The following GRIK4 variants were observed in gnomAD, a reference collection of about 807,000 sequenced individuals.
The protein encoded by GRIK4 is glutamate ionotropic receptor kainate type subunit 4.
In GRIK4, 40 loss-of-function variants were observed where a neutral mutation model predicts 104.9. That is an observed-to-expected ratio of 0.38 (90% CI 0.30 to 0.50). The LOEUF is 0.50. GRIK4 is among the 20% of genes least tolerant of loss of function. The pLI is 0.93. For missense variants in GRIK4, 1,047 were observed against 1,308.1 expected, an observed-to-expected ratio of 0.80 and a Z score of 3.08; for synonymous variants, 485 against 524.9, an observed-to-expected ratio of 0.92 and a Z score of 1.04.
At position 120,763,544 on chromosome 11, in the gene GRIK4, A is replaced by G. The variant is rs545513932; in HGVS notation, c.83-39149A>G. 8.5e-5 allele frequency among the ~76,000 whole-genome samples: 13 copies of G among 152,102 alleles called. No homozygotes were observed. The South Asian group carries it at 2.5e-3, about 29-fold the overall frequency. ...TTTTAATTGTGATGTTAGGGTGTCA[A>G]TTTTTAGATCTTTCCTGCTTTCTCC... On this transcript the variant is annotated intron_variant, in intron 3 of 20. Transcript: ENST00000527524.
At chr11:120,893,231 A>G (rs2134459674) in intron 11 of GRIK4, among the ~76,000 whole-genome samples, 1 of 152,364 alleles carries the variant, frequency 6.6e-6, no homozygotes, top group Middle Eastern at 3.4e-3. Context: ...TTAATGCCTC[A>G]GGAGCAAGAT....
At chr11:120,841,321 T>C (rs969473741) in intron 8 of GRIK4, among the ~76,000 whole-genome samples, 2 of 152,212 alleles carry the variant, frequency 1.3e-5, no homozygotes, top group African/African-American at 4.8e-5. Flanking sequence ...TCTCTCTGTA[T>C]GGATATGACT....
chr11:120,655,850 G>A (rs1248401335), intron 2 of GRIK4, among the ~76,000 whole-genome samples: 1 of 152,162 alleles, frequency 6.6e-6, no homozygotes, highest in South Asian at 2.1e-4. Context: ...AGCAGGTGGC[G>A]GGCTTGGTGG....
chr11:120,899,022 A>G (rs943663327), intron 12 of GRIK4, among the ~76,000 whole-genome samples: 5 of 152,154 alleles, frequency 3.3e-5, no homozygotes, highest in Non-Finnish European at 7.4e-5. Context: ...TGTACAAAAC[A>G]GGACCCTCCC....
chr11:120,512,474 C>A (rs60319972), intron 1 of GRIK4, among the ~76,000 whole-genome samples: 37 of 152,020 alleles, frequency 2.4e-4, no homozygotes, highest in African/African-American at 8.9e-4. Context: ...GGGCCACCAC[C>A]ACACCCCCCC....
intron 1 of GRIK4, among the ~76,000 whole-genome samples, chr11:120,601,884 G>A (rs1205626338): frequency 6.6e-6 from 1 of 151,984 alleles, no homozygotes; most frequent in African/African-American, 2.4e-5. Flanking sequence ...AAAGAAGCTG[G>A]GTGAGCTTCT....
chr11:120,571,613 G>A (rs1186775622), intron 1 of GRIK4, among the ~76,000 whole-genome samples: 1 of 151,948 alleles, frequency 6.6e-6, no homozygotes, highest in Non-Finnish European at 1.5e-5. Context: ...TCCTCCTGTG[G>A]GGGCCCAGGA....
chr11:120,668,783 C>T (rs549295973), intron 3 of GRIK4, among the ~76,000 whole-genome samples: 1 of 152,202 alleles, frequency 6.6e-6, no homozygotes, highest in Non-Finnish European at 1.5e-5. Flanking sequence ...ATCTGAGCTC[C>T]ACCCTTTACT....
At chr11:120,800,638 G>A (rs1195604890) in intron 3 of GRIK4, among the ~76,000 whole-genome samples, 1 of 152,192 alleles carries the variant, frequency 6.6e-6, no homozygotes, top group African/African-American at 2.4e-5. Flanking sequence ...CCCATGCATG[G>A]CCAACCTGAG....
At chr11:120,890,199 TCAA>T (rs754857807) in intron 11 of GRIK4, among the ~76,000 whole-genome samples, 1 of 152,154 alleles carries the variant, frequency 6.6e-6, no homozygotes, top group Non-Finnish European at 1.5e-5. Flanking sequence ...CAGTTGCTTA[TCAA>T]CAACAACAAC....
At chr11:120,769,052 A>G (rs986609995) in intron 3 of GRIK4, among the ~76,000 whole-genome samples, 4 of 152,218 alleles carry the variant, frequency 2.6e-5, no homozygotes, top group East Asian at 3.8e-4. Flanking sequence ...ATGGTCTTGT[A>G]AAATGTATTT....
At chr11:120,830,695 C>T (rs1407817843) in intron 6 of GRIK4, among the ~76,000 whole-genome samples, 1 of 152,144 alleles carries the variant, frequency 6.6e-6, no homozygotes, top group Non-Finnish European at 1.5e-5. Flanking sequence ...ATGGGATTGT[C>T]GTGAGGACTT....
chr11:120,981,615 T>G (rs526397), intron 19 of GRIK4, among the ~76,000 whole-genome samples: 36,545 of 152,172 alleles, frequency 0.24, 4,659 homozygotes, highest in African/African-American at 0.32. Context: ...ATAAATATTT[T>G]AGTAACATGT....
intron 1 of GRIK4, among the ~76,000 whole-genome samples, chr11:120,566,327 A>G (rs1282389928): frequency 6.6e-6 from 1 of 152,226 alleles, no homozygotes; most frequent in African/African-American, 2.4e-5. Context: ...GTCCAGGGTC[A>G]TCCAGCCAGG....
At chr11:120,831,218 G>A (rs1953419519) in intron 6 of GRIK4, among the ~76,000 whole-genome samples, 1 of 152,178 alleles carries the variant, frequency 6.6e-6, no homozygotes, top group Non-Finnish European at 1.5e-5. Flanking sequence ...TACTAGATCT[G>A]TTTTCTGGGC....
At chr11:120,887,225 C>G (rs147899216) in intron 11 of GRIK4, among the ~76,000 whole-genome samples, 33 of 152,298 alleles carry the variant, frequency 2.2e-4, no homozygotes, top group Admixed American at 3.9e-4. Context: ...GAGGAGCCTT[C>G]CTTGTATCCC....
chr11:120,950,936 T>G (rs1178122819), intron 14 of GRIK4, among the ~76,000 whole-genome samples: 9 of 152,236 alleles, frequency 5.9e-5, no homozygotes, highest in Non-Finnish European at 1.0e-4. Context: ...ATTTTTCATT[T>G]TTCCAGTAAT....
intron 1 of GRIK4, among the ~76,000 whole-genome samples, chr11:120,558,316 G>T (rs552637903): frequency 6.6e-6 from 1 of 152,136 alleles, no homozygotes; most frequent in Non-Finnish European, 1.5e-5. Context: ...GGCTGTGCAC[G>T]GTGGCTCACG....
intron 11 of GRIK4, among the ~76,000 whole-genome samples, chr11:120,879,640 A>G (rs1954909350): frequency 6.6e-6 from 1 of 152,166 alleles, no homozygotes; most frequent in Non-Finnish European, 1.5e-5. Context: ...TCTACTGGAG[A>G]TTGCAGGGTC....
Sources: gnomAD v4.1 joint callset for allele counts (sites outside exome capture counted in the v4.1 genomes callset) on GRCh38, gnomAD v4.1.1 for gene constraint, MANE v1.5 for transcripts, NCBI Gene and HGNC (gene_info 2026-07-23, HGNC 2026-07-21) for gene names.